The following AMMECR1 variants were observed in gnomAD, a reference collection of about 807,000 sequenced individuals.
AMMECR1 encodes the protein nuclear protein AMMECR1.
A neutral mutation model predicts 22.5 loss-of-function variants in AMMECR1; 3 were observed. The ratio of observed to expected loss-of-function variants is 0.13; its 90% CI spans 0.06 to 0.35. The LOEUF (loss-of-function observed/expected upper bound fraction) is 0.35. AMMECR1 is among the 10% of genes least tolerant of loss of function. The pLI is 1.00. For missense variants in AMMECR1, 235 were observed against 278.7 expected, an observed-to-expected ratio of 0.84 and a Z score of 1.12; for synonymous variants, 130 against 116.7, an observed-to-expected ratio of 1.11 and a Z score of -0.74.
chrX:110,391,344 C>T (rs991979534), intron 2 of AMMECR1, among the ~76,000 whole-genome samples: 2 of 111,963 alleles, frequency 1.8e-5, no homozygotes, highest in Non-Finnish European at 3.8e-5. Context: ...GTTTTCCCAA[C>T]CATCATGCTT....
At chrX:110,412,453 G>A (rs1335766756) in intron 2 of AMMECR1, among the ~76,000 whole-genome samples, 1 of 112,152 alleles carries the variant, frequency 8.9e-6, no homozygotes, top group Admixed American at 9.4e-5. Flanking sequence ...TTGAGCCTTG[G>A]TTAGACTGCC....
intron 2 of AMMECR1, among the ~76,000 whole-genome samples, chrX:110,231,904 CA>C (rs1352678371): frequency 9.0e-6 from 1 of 110,612 alleles, no homozygotes; most frequent in African/African-American, 3.3e-5. Context: ...CAACAAAGAT[CA>C]AAAGAGACAA....
At chrX:110,258,348 G>C (rs754802153) in intron 2 of AMMECR1, among the ~76,000 whole-genome samples, 7 of 111,680 alleles carry the variant, frequency 6.3e-5, no homozygotes, top group Non-Finnish European at 1.3e-4. Context: ...TTGGGATAAC[G>C]AAGGAGTGCA....
At chrX:110,380,650 C>CA (rs1192088680) in intron 2 of AMMECR1, among the ~76,000 whole-genome samples, 1 of 111,805 alleles carries the variant, frequency 8.9e-6, no homozygotes, top group East Asian at 2.8e-4. Flanking sequence ...AAACCTAAGC[C>CA]AAAAGAACAA....
chrX:110,194,514 T>C lies in AMMECR1; in HGVS notation c.*4006A>G, dbSNP rs905346934. ...GAAAAGAGGAGCTACTCCAGGTAGC[T>C]TTTTGCTCATTACAAGTCTCACCAT... On this transcript the variant is annotated 3_prime_UTR_variant, in exon 6 of 6. Transcript: ENST00000262844. 1 of 112,130 alleles carries C rather than the reference T, an allele frequency of 8.9e-6. No homozygotes were observed. Among genetic ancestry groups the C allele is most frequent in the Non-Finnish European group, 1.9e-5 (1 of 53,212 alleles). 9.2% of individuals were successfully genotyped at this position (112,130 alleles called of 1,213,427 possible).
intron 2 of AMMECR1, among the ~76,000 whole-genome samples, chrX:110,357,059 T>C (rs2068233895): frequency 8.9e-6 from 1 of 112,253 alleles, no homozygotes. Context: ...AATTCATTAG[T>C]TTGAATTTTG....
At chrX:110,247,193 T>C (rs1169308076) in intron 2 of AMMECR1, among the ~76,000 whole-genome samples, 2 of 112,370 alleles carry the variant, frequency 1.8e-5, no homozygotes, top group Admixed American at 1.9e-4. Context: ...AAAAACTTCT[T>C]ACTGTGGCAA....
At chrX:110,294,054 T>G (rs985790967) in intron 1 of AMMECR1, among the ~76,000 whole-genome samples, 3 of 112,204 alleles carry the variant, frequency 2.7e-5, no homozygotes, top group African/African-American at 9.7e-5. Flanking sequence ...AGACAGTTCA[T>G]TTAATTAAAA....
chrX:110,433,619 A>G (rs1309516904), intron 1 of AMMECR1, among the ~76,000 whole-genome samples: 2 of 111,906 alleles, frequency 1.8e-5, no homozygotes. Flanking sequence ...AAACACATAC[A>G]CAAACACATA....
intron 2 of AMMECR1, among the ~76,000 whole-genome samples, chrX:110,252,990 T>C (rs987775087): frequency 1.8e-5 from 2 of 111,842 alleles, no homozygotes; most frequent in African/African-American, 6.5e-5. Flanking sequence ...CTGAAGGGCG[T>C]GAGGAAGCCA....
intron 1 of AMMECR1, among the ~76,000 whole-genome samples, chrX:110,438,694 GCACTGATATTAA>G (rs1569430392): frequency 9.1e-6 from 1 of 110,182 alleles, no homozygotes; most frequent in East Asian, 2.8e-4. Flanking sequence ...TTTTTTTTTA[GCACTGATATTAA>G]CATTTTTCTT....
chrX:110,437,440 T>C (rs1304178088), intron 1 of AMMECR1, among the ~76,000 whole-genome samples: 1 of 111,724 alleles, frequency 9.0e-6, no homozygotes, highest in Non-Finnish European at 1.9e-5. Flanking sequence ...ACAGATGAGG[T>C]TTAGATAGGT....
chrX:110,372,074 C>G (rs1202244081), intron 2 of AMMECR1, among the ~76,000 whole-genome samples: 1 of 111,499 alleles, frequency 9.0e-6, no homozygotes, highest in South Asian at 3.8e-4. Flanking sequence ...ATATCACTCC[C>G]TTTGAGAAAG....
At chrX:110,390,063 C>T (rs1376617025) in intron 2 of AMMECR1, among the ~76,000 whole-genome samples, 1 of 111,236 alleles carries the variant, frequency 9.0e-6, no homozygotes, top group Admixed American at 9.5e-5. Flanking sequence ...CAAACTTGAC[C>T]CAATGGAGAA....
intron 2 of AMMECR1, among the ~76,000 whole-genome samples, chrX:110,379,313 T>C (rs946959099): frequency 2.7e-5 from 3 of 112,111 alleles, no homozygotes; most frequent in African/African-American, 9.7e-5. Context: ...CAGAGAAAAA[T>C]GAAAAAAATA....
intron 2 of AMMECR1, among the ~76,000 whole-genome samples, chrX:110,423,103 G>A (rs978809892): frequency 8.9e-6 from 1 of 111,849 alleles, no homozygotes. Context: ...CGAGGCAGGC[G>A]GATCACCTGA....
chrX:110,275,385 A>G (rs2067820679), intron 1 of AMMECR1, among the ~76,000 whole-genome samples: 1 of 110,306 alleles, frequency 9.1e-6, no homozygotes, highest in South Asian at 3.8e-4. Flanking sequence ...TTTTTTTTTC[A>G]GCACTTTAAA....
intron 2 of AMMECR1, among the ~76,000 whole-genome samples, chrX:110,404,838 C>T (rs1042926410): frequency 9.0e-6 from 1 of 111,549 alleles, no homozygotes; most frequent in Non-Finnish European, 1.9e-5. Flanking sequence ...TTTTTCTTGG[C>T]ATAAGTAAAA....
At chrX:110,264,666 G>T in intron 1 of AMMECR1, 67 bp from the exon 2 acceptor site, 1 of 896,857 alleles carries the variant, frequency 1.1e-6, no homozygotes, top group Non-Finnish European at 1.6e-6. Context: ...ATTGAGTATT[G>T]ACTGTCTGCT....
Sources: allele counts gnomAD v4.1 joint callset (sites outside exome capture counted in the v4.1 genomes callset), GRCh38; gene constraint gnomAD v4.1.1; transcripts MANE v1.5; gene names NCBI Gene and HGNC (gene_info 2026-07-23, HGNC 2026-07-21).